ABI2: variants seen among roughly 807,000 people sequenced by gnomAD.
ABI2 encodes the protein abelson interactor 2.
ABI2 carries 25 observed loss-of-function variants against 59.2 expected under a neutral mutation model. The ratio of observed to expected loss-of-function variants is 0.42; its 90% CI spans 0.31 to 0.59. ABI2 has a LOEUF of 0.59. Among genes scored for constraint, ABI2 ranks in the 20% least tolerant of loss-of-function variants. The pLI is 0.14. For synonymous variants in ABI2, 213 were observed against 235.5 expected, an observed-to-expected ratio of 0.90 and a Z score of 0.87; for missense variants, 545 against 681.8, an observed-to-expected ratio of 0.80 and a Z score of 2.23.
At chr2:203,351,583 T>A in intron 1 of ABI2, 1 of 440,410 alleles carries the variant, frequency 2.3e-6, no homozygotes, top group Non-Finnish European at 4.5e-6. Flanking sequence ...TCATGCAGGC[T>A]GGAATGCAGT....
At chr2:203,389,763 G>C (rs2096668299) in intron 4 of ABI2, among the ~76,000 whole-genome samples, 1 of 152,192 alleles carries the variant, frequency 6.6e-6, no homozygotes, top group East Asian at 1.9e-4. Flanking sequence ...CCCATTGGTA[G>C]TCTCAACTTG....
chr2:203,425,888 G>A (rs1253243474), intron 11 of ABI2, among the ~76,000 whole-genome samples: 1 of 152,144 alleles, frequency 6.6e-6, no homozygotes, highest in African/African-American at 2.4e-5. Flanking sequence ...TGTGCGTGGT[G>A]GTGGGCGCCT....
chr2:203,354,793 G>T (rs1014788588), intron 1 of ABI2, among the ~76,000 whole-genome samples: 34 of 152,220 alleles, frequency 2.2e-4, no homozygotes, highest in African/African-American at 7.9e-4. Flanking sequence ...TTTTATATTG[G>T]TCTGTAAACA....
intron 2 of ABI2, among the ~76,000 whole-genome samples, chr2:203,373,008 G>C (rs955828409): frequency 6.6e-6 from 1 of 151,606 alleles, no homozygotes; most frequent in Non-Finnish European, 1.5e-5. Context: ...GGCTCCTCAC[G>C]TCCCAGACGA....
chr2:203,352,080 C>A (rs551188491), intron 1 of ABI2, among the ~76,000 whole-genome samples: 1 of 152,242 alleles, frequency 6.6e-6, no homozygotes, highest in Admixed American at 6.5e-5. Flanking sequence ...AGAAGACACA[C>A]ACATCACAAT....
chr2:203,390,017 G>A (rs1051904638), intron 4 of ABI2, among the ~76,000 whole-genome samples: 3 of 152,120 alleles, frequency 2.0e-5, no homozygotes, highest in Non-Finnish European at 1.5e-5. Context: ...GCCCAAGTGG[G>A]TCCAATTCCC....
intron 1 of ABI2, among the ~76,000 whole-genome samples, chr2:203,362,752 C>T (rs1221308881): frequency 6.6e-6 from 1 of 151,728 alleles, no homozygotes; most frequent in Non-Finnish European, 1.5e-5. Flanking sequence ...GTCTTGAACT[C>T]CTGACCTCAG....
chr2:203,364,506 G>A (rs1047017423), intron 1 of ABI2, among the ~76,000 whole-genome samples: 3 of 152,092 alleles, frequency 2.0e-5, no homozygotes, highest in Non-Finnish European at 4.4e-5. Context: ...GCAGATAAAC[G>A]AACAGCAACC....
Position 203,328,631 on chromosome 2 carries a change from G to A in ABI2, c.117G>A (p.Gln39=), listed in dbSNP as rs756436939. 1 of 1,570,020 alleles carries A rather than the reference G, an allele frequency of 6.4e-7. No individual in the cohort carries two copies. The highest frequency in any genetic ancestry group is 8.6e-7 in the Non-Finnish European group (1 of 1,159,082). Residue 39 remains glutamine, a splice_region_variant and synonymous_variant, in exon 1 of 12, where the codon CAG becomes CAA. Coordinates refer to ENST00000261018, the MANE Select transcript of ABI2 (RefSeq NM_001375670.1). ...VADYCENNYI[Q]SADKQRALEE... is the part of the protein sequence containing the mutation. Reference sequence around the variant, plus strand: ...ATTACTGCGAGAACAACTACATACAGGTGCGAAGCATCCCCAGCTGGGCCG... The same window carrying A: ...ATTACTGCGAGAACAACTACATACAAGTGCGAAGCATCCCCAGCTGGGCCG...
At chr2:203,328,665 A>C (rs571849806) in intron 1 of ABI2, 34 bp downstream of exon 1, 21 of 1,414,686 alleles carry the variant, frequency 1.5e-5, no homozygotes, top group South Asian at 3.0e-5. Flanking sequence ...CGCGTCGGGG[A>C]CCCCCCCGCC....
intron 10 of ABI2, among the ~76,000 whole-genome samples, chr2:203,415,445 A>G (rs543551547): frequency 3.9e-4 from 60 of 152,012 alleles, no homozygotes; most frequent in Middle Eastern, 3.4e-3. Context: ...GTGAAACCCC[A>G]TCTCTACTAA....
intron 2 of ABI2, among the ~76,000 whole-genome samples, chr2:203,376,848 A>G (rs2095736933): frequency 6.6e-6 from 1 of 151,790 alleles, no homozygotes; most frequent in Non-Finnish European, 1.5e-5. Flanking sequence ...CCCTAGACCA[A>G]GTCACATCTC....
chr2:203,329,606 T>G (rs1668984780), intron 1 of ABI2, among the ~76,000 whole-genome samples: 1 of 151,746 alleles, frequency 6.6e-6, no homozygotes, highest in South Asian at 2.1e-4. Flanking sequence ...TCTGCCTCCA[T>G]TTTTTTTCTT....
Position 203,368,997 on chromosome 2 carries a change from T to A in ABI2, c.285+1953T>A, listed in dbSNP as rs1228672010. Among the ~76,000 whole-genome samples, 146 of 124,012 alleles carry A rather than the reference T, an allele frequency of 1.2e-3. 1 individual carries two copies. Among genetic ancestry groups the A allele is most frequent in the Middle Eastern group, 0.011 (3 of 262 alleles). The allele number at this position is 124,012 out of a possible 152,430, so 81.4% of individuals were successfully genotyped here. On this transcript the variant is annotated intron_variant, in intron 2 of 11. Transcript: ENST00000261018. ...CATGCTTGGCTGATTTTTTTTTTTT[T>A]TTTTTTTTTTTTTTTTTTTGTAGAG...
Sources: allele counts gnomAD v4.1 joint callset (sites outside exome capture counted in the v4.1 genomes callset), GRCh38; gene constraint gnomAD v4.1.1; transcripts MANE v1.5; gene names NCBI Gene and HGNC (gene_info 2026-07-23, HGNC 2026-07-21).